Variants in GLCE observed in about 807,000 individuals in gnomAD.
GLCE encodes glucuronic acid epimerase.
GLCE carries 19 observed loss-of-function variants against 47.9 expected under a neutral mutation model. That is an observed-to-expected ratio of 0.40 (90% CI 0.28 to 0.58). GLCE has a LOEUF of 0.58. Among genes scored for constraint, GLCE ranks in the 20% least tolerant of loss-of-function variants. The pLI, the probability that GLCE is intolerant of heterozygous loss-of-function variation, is 0.48. For synonymous variants in GLCE, 245 were observed against 263.4 expected (o/e 0.93, Z 0.68); for missense variants, 556 against 743.3 (o/e 0.75, Z 2.93).
intron 2 of GLCE, among the ~76,000 whole-genome samples, chr15:69,235,093 CTTTTTTTTT>C (rs869212730): frequency 1.4e-4 from 9 of 62,882 alleles, no homozygotes; most frequent in African/African-American, 3.7e-4. Flanking sequence ...GAAGATTATT[CTTTTTTTTT>C]TTTTTTTTTT....
chr15:69,209,993 TC>T (rs2052208577), intron 1 of GLCE, among the ~76,000 whole-genome samples: 1 of 152,032 alleles, frequency 6.6e-6, no homozygotes, highest in Non-Finnish European at 1.5e-5. Context: ...TTTGCACACT[TC>T]CTTGTGAGTC....
In GLCE at chr15:69,205,485, G is replaced by A. The variant is rs142310039; in HGVS notation, c.-104-4831G>A. Among the ~76,000 whole-genome samples, 308 of 152,220 alleles carry A rather than the reference G, an allele frequency of 2.0e-3. 2 individuals are homozygous for A. The highest frequency in any genetic ancestry group is 7.2e-3 in the African/African-American group (298 of 41,558). ...TGTGTATAGGATTTTGTGCAAATGA[G>A]TTCTCATTTCTTTTGGGTAAAAATA... On this transcript the variant is annotated intron_variant, in intron 1 of 4. Coordinates refer to ENST00000261858, the MANE Select transcript of GLCE (RefSeq NM_015554.3).
chr15:69,202,649 A>G (rs1471882871), intron 1 of GLCE, among the ~76,000 whole-genome samples: 5 of 152,114 alleles, frequency 3.3e-5, no homozygotes, highest in African/African-American at 1.2e-4. Context: ...GGATTGGAGT[A>G]AGCATAGGTA....
intron 1 of GLCE, among the ~76,000 whole-genome samples, chr15:69,188,387 T>C (rs2051860807): frequency 6.6e-6 from 1 of 152,238 alleles, no homozygotes; most frequent in Non-Finnish European, 1.5e-5. Context: ...TATAATATCT[T>C]AGTTTGGTTT....
In GLCE at chr15:69,268,815, C is replaced by G. The variant is rs771689527; in HGVS notation, c.1425C>G (p.Ala475=). ...IFLNSALRAT[A]PYKFLSEQHG... Reference sequence around the variant, plus strand: ...TCAATTCAGCTTTAAGGGCAACAGCCCCTTATAAGTTTCTATCTGAGCAGC... The same window carrying G: ...TCAATTCAGCTTTAAGGGCAACAGCGCCTTATAAGTTTCTATCTGAGCAGC... Residue 475 remains alanine (A), a synonymous_variant, in exon 5 of 5, where the codon GCC becomes GCG. Transcript: ENST00000261858. 6.2e-7 allele frequency: 1 copy of G among 1,614,088 alleles called. No homozygotes were observed. Among genetic ancestry groups the G allele is most frequent in the South Asian group, 1.1e-5 (1 of 91,078 alleles).
chr15:69,234,682 C>T (rs1433547933), intron 2 of GLCE, among the ~76,000 whole-genome samples: 1 of 152,136 alleles, frequency 6.6e-6, no homozygotes, highest in South Asian at 2.1e-4. Context: ...AGTATCTACA[C>T]CCTTTGATCA....
chr15:69,207,227 C>G (rs950066078), intron 1 of GLCE, among the ~76,000 whole-genome samples: 2 of 152,100 alleles, frequency 1.3e-5, no homozygotes, highest in Non-Finnish European at 2.9e-5. Flanking sequence ...TGCATTCTAT[C>G]TTAAAATTCC....
chr15:69,225,120 G>A (rs182182803), intron 2 of GLCE, among the ~76,000 whole-genome samples: 1 of 152,152 alleles, frequency 6.6e-6, no homozygotes, highest in Admixed American at 6.5e-5. Context: ...GTCTAAAAAG[G>A]TATGATTATT....
intron 4 of GLCE, among the ~76,000 whole-genome samples, chr15:69,265,420 C>T (rs888672650): frequency 2.6e-5 from 4 of 152,074 alleles, no homozygotes; most frequent in Middle Eastern, 3.2e-3. Flanking sequence ...GGTTATTTAA[C>T]GTCCTCTGTA....
intron 3 of GLCE, among the ~76,000 whole-genome samples, chr15:69,256,693 A>G (rs1481554316): frequency 1.3e-5 from 2 of 152,228 alleles, no homozygotes; most frequent in African/African-American, 4.8e-5. Flanking sequence ...GTTAAAATAT[A>G]TAGCTAGAAT....
intron 1 of GLCE, among the ~76,000 whole-genome samples, chr15:69,198,712 G>A (rs904587739): frequency 1.3e-5 from 2 of 152,074 alleles, no homozygotes; most frequent in Non-Finnish European, 2.9e-5. Flanking sequence ...CATCACTGTT[G>A]CCATATTTTC....
intron 4 of GLCE, among the ~76,000 whole-genome samples, chr15:69,263,005 C>G (rs917400079): frequency 2.6e-5 from 4 of 151,800 alleles, no homozygotes; most frequent in Non-Finnish European, 5.9e-5. Flanking sequence ...ACACATAGCC[C>G]GAGGGTAACA....
chr15:69,262,286 C>A (rs201756300), intron 4 of GLCE, among the ~76,000 whole-genome samples: 1 of 152,170 alleles, frequency 6.6e-6, no homozygotes, highest in Non-Finnish European at 1.5e-5. Context: ...CACTAGAACT[C>A]CTTTTCTCCC....
At chr15:69,163,074 CT>C (rs1328626810) in intron 1 of GLCE, among the ~76,000 whole-genome samples, 3 of 152,100 alleles carry the variant, frequency 2.0e-5, no homozygotes, top group African/African-American at 7.2e-5. Flanking sequence ...ACCAAAATAC[CT>C]GGTTGACATT....
chr15:69,218,428 C>T (rs975889493), intron 2 of GLCE, among the ~76,000 whole-genome samples: 5 of 151,976 alleles, frequency 3.3e-5, no homozygotes, highest in South Asian at 2.1e-4. Flanking sequence ...GCTGGAGGAT[C>T]GCTTGAGCCT....
intron 1 of GLCE, among the ~76,000 whole-genome samples, chr15:69,169,995 A>G (rs1420386843): frequency 2.6e-5 from 4 of 152,200 alleles, no homozygotes; most frequent in African/African-American, 9.6e-5. Context: ...TGCTAATAAC[A>G]TTTATGTAAA....
Position 69,261,279 on chromosome 15 carries a change from A to C in GLCE, c.779A>C (p.Asn260Thr). 6.2e-7 allele frequency: 1 copy of C among 1,614,118 alleles called. No individual in the cohort carries two copies. The highest frequency in any genetic ancestry group is 8.5e-7 in the Non-Finnish European group (1 of 1,179,994). ...WTVPKGCFMA[N>T]VADKSRFTNV... ...GTGCCAAAGGGCTGCTTTATGGCGA[A>C]TGTGGCTGATAAGTCTAGATTCACC... The change falls in exon 4 of 5, where the codon AAT becomes ACT. Residue 260 changes from asparagine to threonine, a missense_variant. Around this residue, in one of 3 missense-constraint regions of GLCE, gnomAD observed 74 missense variants for 64.4 expected, o/e 1.15. Transcript: ENST00000261858.
Position 69,266,848 on chromosome 15 carries a change from C to T in GLCE, c.830-1372C>T, listed in dbSNP as rs139159609. 870 of 212,438 alleles carry T rather than the reference C, an allele frequency of 4.1e-3. 11 individuals are homozygous for T. Among genetic ancestry groups the T allele is most frequent in the African/African-American group, 0.019 (826 of 43,162 alleles). The allele number at this position is 212,438 out of a possible 1,614,324, so 13.2% of individuals were successfully genotyped here. On this transcript the variant is annotated intron_variant, in intron 4 of 4. Coordinates refer to ENST00000261858, the MANE Select transcript of GLCE (RefSeq NM_015554.3). Reference sequence around the variant, plus strand: ...TAATTAGCTTTTGGCATTGGGCAAACCATTTAACCTTGCAAAGCCTACATA... The same window carrying T: ...TAATTAGCTTTTGGCATTGGGCAAATCATTTAACCTTGCAAAGCCTACATA...
chr15:69,185,711 TG>T (rs1269068497), intron 1 of GLCE, among the ~76,000 whole-genome samples: 1 of 151,898 alleles, frequency 6.6e-6, no homozygotes, highest in African/African-American at 2.4e-5. Flanking sequence ...ACCAAAGGTA[TG>T]GGGGTTTTTC....
Sources: allele counts gnomAD v4.1 joint callset (sites outside exome capture counted in the v4.1 genomes callset), GRCh38; gene constraint gnomAD v4.1.1; regional missense constraint gnomAD v4.1.1; transcripts MANE v1.5; gene names NCBI Gene and HGNC (gene_info 2026-07-23, HGNC 2026-07-21).